Variants in BCL2L14 observed in about 807,000 individuals in gnomAD.
BCL2L14 encodes the protein BCL2 like 14, also known as apoptosis facilitator Bcl-2-like protein 14.
Under a neutral mutation model 35.3 loss-of-function variants are expected in BCL2L14, and 27 were observed. That is an observed-to-expected ratio of 0.76 (90% CI 0.56 to 1.05). The LOEUF (loss-of-function observed/expected upper bound fraction) is 1.05. BCL2L14 is among the 50% of genes least tolerant of loss of function. The pLI is 0.00. For synonymous variants in BCL2L14, 139 were observed against 145.9 expected, an observed-to-expected ratio of 0.95 and a Z score of 0.34; for missense variants, 377 against 382.6, an observed-to-expected ratio of 0.99 and a Z score of 0.12.
intron 2 of BCL2L14, among the ~76,000 whole-genome samples, chr12:12,057,527 G>A (rs1591802124): frequency 6.6e-6 from 1 of 152,258 alleles, no homozygotes; most frequent in East Asian, 1.9e-4. Context: ...GGAGGCCGAG[G>A]CGGGTGGATC....
intron 1 of BCL2L14, 132 bp downstream of exon 1, chr12:12,071,269 T>C (rs1948665645): frequency 6.6e-6 from 1 of 152,210 alleles, no homozygotes; most frequent in African/African-American, 2.4e-5. Flanking sequence ...GTTCTTATCA[T>C]GTAAGTCTCA....
chr12:12,078,056 G>T, intron 1 of BCL2L14: 1 of 377,086 alleles, frequency 2.7e-6, no homozygotes, highest in Non-Finnish European at 5.4e-6. Context: ...AAGAAGAAAT[G>T]CTTGCATCCT....
chr12:12,092,069 G>A (rs545768418), intron 4 of BCL2L14, among the ~76,000 whole-genome samples: 1 of 152,278 alleles, frequency 6.6e-6, no homozygotes, highest in Non-Finnish European at 1.5e-5. Flanking sequence ...GAACTCCGAG[G>A]GGTCCTTTAG....
chr12:12,062,549 T>C (rs11054656), intron 2 of BCL2L14, among the ~76,000 whole-genome samples: 124,237 of 150,586 alleles, frequency 0.83, 51,330 homozygotes, highest in East Asian at 0.92. Flanking sequence ...ATTATTCAGG[T>C]CCCCTCCCTT....
intron 1 of BCL2L14, among the ~76,000 whole-genome samples, chr12:12,051,138 G>T (rs915689605): frequency 2.0e-5 from 3 of 152,150 alleles, no homozygotes; most frequent in Non-Finnish European, 4.4e-5. Flanking sequence ...CAGTGAGCAG[G>T]GTGTATAAGA....
intron 1 of BCL2L14, chr12:12,078,128 C>T (rs955209445): frequency 5.3e-6 from 1 of 190,092 alleles, no homozygotes; most frequent in African/African-American, 2.3e-5. Context: ...ACTCTCTACT[C>T]AAAACTTTGA....
intron 1 of BCL2L14, among the ~76,000 whole-genome samples, chr12:12,051,177 G>T (rs919829193): frequency 6.6e-6 from 1 of 152,168 alleles, no homozygotes; most frequent in African/African-American, 2.4e-5. Context: ...AATAGAGATG[G>T]TGGGAAAAGG....
intron 1 of BCL2L14, among the ~76,000 whole-genome samples, chr12:12,051,426 T>C (rs551645189): frequency 3.7e-4 from 57 of 152,266 alleles, no homozygotes; most frequent in African/African-American, 1.3e-3. Flanking sequence ...TCCCCTCTAC[T>C]CCACTCCTGA....
chr12:12,067,348 G>T (rs1948606112), upstream of BCL2L14, among the ~76,000 whole-genome samples: 1 of 152,126 alleles, frequency 6.6e-6, no homozygotes, highest in Admixed American at 6.5e-5. Flanking sequence ...CTCAGGAGTT[G>T]GAGACCAGTC....
rs143976011 is a variant in BCL2L14, at chr12:12,094,556, G to A, written c.679-108G>A. 7 of 1,614,216 alleles carry A rather than the reference G, an allele frequency of 4.3e-6. No individual in the cohort carries two copies. In the African/African-American group the frequency reaches 5.3e-5, roughly 12 times the overall value. On this transcript the variant is annotated intron_variant, in intron 4 of 5. Transcript: ENST00000308721. ...TCCCTTGGTTGACACCAGCATCCAG[G>A]GTTTTCCACAGGATGGTTTGATGGC...
intron 2 of BCL2L14, among the ~76,000 whole-genome samples, chr12:12,053,143 A>G (rs1234323402): frequency 1.3e-5 from 2 of 152,200 alleles, no homozygotes; most frequent in African/African-American, 4.8e-5. Context: ...CACCTTACAT[A>G]TTTACATTTA....
Position 12,079,360 on chromosome 12 carries a change from C to T in BCL2L14, c.55C>T (p.Leu19=). The T allele has an allele frequency of 6.2e-7, 1 of 1,614,168 alleles. No individual in the cohort carries two copies. Among genetic ancestry groups the T allele is most frequent in the Non-Finnish European group, 8.5e-7 (1 of 1,180,030 alleles). ...LEEIPLDDDD[L]NTIEFKILAY... ...AGAAATCCCCCTAGATGATGATGAC[C>T]TAAACACCATAGAATTCAAAATCCT... The change falls in exon 2 of 6, where the codon CTA becomes TTA. Residue 19 remains leucine (L), a synonymous_variant. Transcript: ENST00000308721.
At chr12:12,049,916 A>G (rs1948321744) in exon 1 of BCL2L14, 2 of 152,150 alleles carry the variant, frequency 1.3e-5, no homozygotes, top group African/African-American at 4.8e-5. Context: ...CGCCTGGCAG[A>G]ACTAACCACC....
chr12:12,069,495 C>A (rs1302670773), upstream of BCL2L14, among the ~76,000 whole-genome samples: 1 of 150,896 alleles, frequency 6.6e-6, no homozygotes, highest in Non-Finnish European at 1.5e-5. Context: ...GTCAGGAGAT[C>A]GAGGCCATCC....
chr12:12,065,482 G>A (rs933756528), intron 2 of BCL2L14, among the ~76,000 whole-genome samples: 7 of 149,936 alleles, frequency 4.7e-5, no homozygotes, highest in Non-Finnish European at 7.4e-5. Context: ...GTTGCAGTGA[G>A]CAGAGATTGC....
At chr12:12,057,413 T>C (rs1430026203) in intron 2 of BCL2L14, among the ~76,000 whole-genome samples, 1 of 152,128 alleles carries the variant, frequency 6.6e-6, no homozygotes, top group Admixed American at 6.5e-5. Context: ...TGCAAATCTT[T>C]CCATTTTTCC....
chr12:12,085,421 G>T (rs11054673), intron 2 of BCL2L14, among the ~76,000 whole-genome samples: 35,959 of 152,188 alleles, frequency 0.24, 4,717 homozygotes, highest in Middle Eastern at 0.41. Context: ...GGGGCCATGG[G>T]TGGCCAGAGT....
At chr12:12,077,290 T>C (rs1948802780) in intron 1 of BCL2L14, among the ~76,000 whole-genome samples, 1 of 152,146 alleles carries the variant, frequency 6.6e-6, no homozygotes, top group African/African-American at 2.4e-5. Context: ...GGCTGTAATC[T>C]CAGCACTTTG....
At chr12:12,089,919 A>G (rs779782960) in intron 3 of BCL2L14, among the ~76,000 whole-genome samples, 1 of 152,250 alleles carries the variant, frequency 6.6e-6, no homozygotes, top group Non-Finnish European at 1.5e-5. Flanking sequence ...CAGGAAAATA[A>G]GACGGATTTG....
Sources: gnomAD v4.1 joint callset for allele counts (sites outside exome capture counted in the v4.1 genomes callset) on GRCh38, gnomAD v4.1.1 for gene constraint, MANE v1.5 for transcripts, NCBI Gene and HGNC (gene_info 2026-07-23, HGNC 2026-07-21) for gene names.